Variants in CTNNA3 observed in about 807,000 individuals in gnomAD.
CTNNA3 encodes the protein catenin alpha 3.
In CTNNA3, 76 loss-of-function variants were observed where a neutral mutation model predicts 95.7. The observed-to-expected ratio is 0.79, with a 90% CI of 0.66 to 0.96. The LOEUF (loss-of-function observed/expected upper bound fraction) is 0.96. CTNNA3 is among the 40% of genes least tolerant of loss of function. The pLI is 0.00. For missense variants in CTNNA3, 1,191 were observed against 1,089.8 expected (o/e 1.09, Z -1.31); for synonymous variants, 431 against 374.4 (o/e 1.15, Z -1.74).
chr10:66,875,098 A>T (rs1337039620), intron 7 of CTNNA3, among the ~76,000 whole-genome samples: 1 of 152,184 alleles, frequency 6.6e-6, no homozygotes, highest in African/African-American at 2.4e-5. Flanking sequence ...AGTGGTGCTG[A>T]TGACGAATTT....
intron 14 of CTNNA3, chr10:66,085,087 A>G (rs1453469907): frequency 6.6e-6 from 1 of 152,190 alleles, no homozygotes; most frequent in Non-Finnish European, 1.5e-5. Context: ...GAGCTTGCAA[A>G]GAATCCCTTG....
chr10:66,030,311 C>T (rs1424136301), intron 15 of CTNNA3, among the ~76,000 whole-genome samples: 1 of 152,060 alleles, frequency 6.6e-6, no homozygotes, highest in Non-Finnish European at 1.5e-5. Flanking sequence ...CATTACTAAA[C>T]TTTATACTAC....
chr10:67,461,330 A>T (rs1201340862), intron 5 of CTNNA3, among the ~76,000 whole-genome samples: 6 of 151,646 alleles, frequency 4.0e-5, no homozygotes, highest in Admixed American at 1.3e-4. Flanking sequence ...TTAGAAGGGT[A>T]CTCCAAGATC....
At chr10:67,717,293 T>C (rs1306665334) in intron 1 of CTNNA3, among the ~76,000 whole-genome samples, 1 of 152,230 alleles carries the variant, frequency 6.6e-6, no homozygotes, top group Non-Finnish European at 1.5e-5. Context: ...AGATAGTTTC[T>C]TTTGCTGTGC....
chr10:65,990,705 T>C (rs1411586674), intron 15 of CTNNA3, among the ~76,000 whole-genome samples: 1 of 151,448 alleles, frequency 6.6e-6, no homozygotes, highest in African/African-American at 2.4e-5. Flanking sequence ...AAATATTTTC[T>C]ACTATTTAAC....
chr10:66,468,533 T>C (rs966482652), intron 11 of CTNNA3, among the ~76,000 whole-genome samples: 2 of 151,982 alleles, frequency 1.3e-5, no homozygotes, highest in African/African-American at 4.8e-5. Flanking sequence ...AAAGAAGTTC[T>C]GGAGATCTAA....
intron 7 of CTNNA3, among the ~76,000 whole-genome samples, chr10:66,934,276 T>C (rs986240635): frequency 4.6e-5 from 7 of 152,162 alleles, no homozygotes; most frequent in Non-Finnish European, 7.4e-5. Context: ...TTTCTTTTTA[T>C]TTTTAAGGGC....
At chr10:66,683,295 A>G (rs1195574810) in intron 9 of CTNNA3, among the ~76,000 whole-genome samples, 2 of 152,138 alleles carry the variant, frequency 1.3e-5, no homozygotes, top group African/African-American at 4.8e-5. Flanking sequence ...ATGTATGAAA[A>G]ACCTTCTTAT....
At chr10:67,247,536 G>A (rs1222930895) in intron 5 of CTNNA3, among the ~76,000 whole-genome samples, 2 of 152,148 alleles carry the variant, frequency 1.3e-5, no homozygotes, top group Non-Finnish European at 2.9e-5. Context: ...GACGTTCCAT[G>A]TCATGGATTA....
intron 7 of CTNNA3, among the ~76,000 whole-genome samples, chr10:67,115,214 A>G (rs1859113202): frequency 6.6e-6 from 1 of 152,134 alleles, no homozygotes; most frequent in African/African-American, 2.4e-5. Context: ...CAGTGCAAAC[A>G]AGACGACTAT....
chr10:67,643,881 G>T (rs1422143758), intron 2 of CTNNA3, among the ~76,000 whole-genome samples: 2 of 152,126 alleles, frequency 1.3e-5, no homozygotes, highest in African/African-American at 4.8e-5. Context: ...TTTTATGGCT[G>T]CATAGTATTC....
intron 12 of CTNNA3, among the ~76,000 whole-genome samples, chr10:66,325,538 C>T (rs1299334293): frequency 6.6e-6 from 1 of 152,110 alleles, no homozygotes; most frequent in Non-Finnish European, 1.5e-5. Context: ...AGCCGCTGCA[C>T]CTGGCCAACA....
chr10:65,993,113 T>A (rs1253644520), intron 15 of CTNNA3, among the ~76,000 whole-genome samples: 3 of 152,214 alleles, frequency 2.0e-5, no homozygotes, highest in African/African-American at 7.2e-5. Context: ...ACACTTGGTA[T>A]GCTATTAACT....
intron 13 of CTNNA3, among the ~76,000 whole-genome samples, chr10:66,275,600 T>G (rs187310172): frequency 8.5e-4 from 129 of 152,366 alleles, no homozygotes; most frequent in Middle Eastern, 3.4e-3. Flanking sequence ...CAGCTGAGAC[T>G]TGAACTCAGG....
At chr10:66,399,990 A>G (rs1183889323) in intron 11 of CTNNA3, among the ~76,000 whole-genome samples, 1 of 152,024 alleles carries the variant, frequency 6.6e-6, no homozygotes, top group Non-Finnish European at 1.5e-5. Context: ...ATAATAATTT[A>G]CAATGGCTTA....
At chr10:67,635,691 C>G (rs1487258737) in intron 2 of CTNNA3, among the ~76,000 whole-genome samples, 4 of 152,202 alleles carry the variant, frequency 2.6e-5, no homozygotes, top group Admixed American at 2.0e-4. Context: ...CCATCTATGA[C>G]AAACCCACAG....
At chr10:67,723,892 A>T (rs1322575427) in intron 1 of CTNNA3, among the ~76,000 whole-genome samples, 3 of 152,108 alleles carry the variant, frequency 2.0e-5, no homozygotes, top group African/African-American at 7.2e-5. Context: ...CCTACTAAGT[A>T]TATGCATATC....
In CTNNA3 at chr10:67,279,110, T is replaced by C. The variant is rs10997605; in HGVS notation, c.580-59240A>G. Among the ~76,000 whole-genome samples the C allele has an allele frequency of 0.018, 2,790 of 152,210 alleles. 234 individuals carry two copies. In the East Asian group the frequency reaches 0.25, roughly 14 times the overall value. On this transcript the variant is annotated intron_variant, in intron 5 of 17. Coordinates refer to ENST00000433211, the MANE Select transcript of CTNNA3 (RefSeq NM_013266.4). ...AGCAGTAATCAGAAAAACTGACATA[T>C]GGGATCCATACTAAATAAGTGACAT...
At chr10:66,988,260 TAGGATTATATTCAC>T (rs1850846575) in intron 7 of CTNNA3, among the ~76,000 whole-genome samples, 3 of 152,194 alleles carry the variant, frequency 2.0e-5, no homozygotes, top group Admixed American at 1.3e-4. Flanking sequence ...ATCATTGAGG[TAGGATTATATTCAC>T]AGGATTATAT....
Sources: allele counts gnomAD v4.1 joint callset (sites outside exome capture counted in the v4.1 genomes callset), GRCh38; gene constraint gnomAD v4.1.1; transcripts MANE v1.5; gene names NCBI Gene and HGNC (gene_info 2026-07-23, HGNC 2026-07-21).